The following GMPS variants were observed in gnomAD, a reference collection of about 807,000 sequenced individuals.
GMPS encodes the protein GMP synthase [glutamine-hydrolyzing].
In GMPS, 15 loss-of-function variants were observed where a neutral mutation model predicts 77.9. The ratio of observed to expected loss-of-function variants is 0.19; its 90% confidence interval spans 0.13 to 0.30. The LOEUF (loss-of-function observed/expected upper bound fraction) is 0.30. Among genes scored for constraint, GMPS ranks in the 10% least tolerant of loss-of-function variants. The pLI is 1.00. For synonymous variants in GMPS, 224 were observed against 275.9 expected (o/e 0.81, Z 1.86); for missense variants, 590 against 838.8 (o/e 0.70, Z 3.66).
chr3:155,911,118 T>C lies in GMPS; in HGVS notation c.725T>C (p.Leu242Ser), dbSNP rs1156467226. 3 of 1,594,504 alleles carry C rather than the reference T, an allele frequency of 1.9e-6. No homozygotes were observed. The highest frequency in any genetic ancestry group is 1.8e-5 in the Admixed American group (1 of 54,386). ...ERVGTSKVLV[L>S]LSGGVDSTVC... Reference sequence around the variant, plus strand: ...ATTTTTCATTTTACCCCGTAGGTTTTACTCAGTGGTGGAGTAGACTCAACA... The same window carrying C: ...ATTTTTCATTTTACCCCGTAGGTTTCACTCAGTGGTGGAGTAGACTCAACA... The change falls in exon 7 of 16, where the codon TTA becomes TCA. Residue 242 changes from leucine to serine, a missense_variant. Transcript: ENST00000496455.
Position 155,922,213 on chromosome 3 carries a change from T to G in GMPS, c.1345T>G (p.Cys449Gly). The change falls in exon 11 of 16, where the codon TGT becomes GGT. Residue 449 changes from cysteine to glycine, a missense_variant. Coordinates refer to ENST00000496455, the MANE Select transcript of GMPS (RefSeq NM_003875.3). ...PGPGLAIRVI[C>G]AEEPYICKDF... ...TCCTGGCCTGGCAATCAGAGTAATA[T>G]GTGCTGAAGAACCTTATATTTGTAA... 1.3e-6 allele frequency: 2 copies of G among 1,550,470 alleles called. No individual in the cohort carries two copies. The highest frequency in any genetic ancestry group is 1.7e-6 in the Non-Finnish European group (2 of 1,142,954).
At chr3:155,893,043 T>A (rs1754512710) in intron 1 of GMPS, among the ~76,000 whole-genome samples, 1 of 152,248 alleles carries the variant, frequency 6.6e-6, no homozygotes, top group African/African-American at 2.4e-5. Context: ...TATACTCTAG[T>A]GTCAAACTTC....
At chr3:155,920,178 A>G (rs1057144301) in intron 10 of GMPS, among the ~76,000 whole-genome samples, 3 of 152,220 alleles carry the variant, frequency 2.0e-5, no homozygotes, top group African/African-American at 4.8e-5. Flanking sequence ...AGTTATGCAG[A>G]TTGAAAGGAG....
intron 8 of GMPS, among the ~76,000 whole-genome samples, 190 bp downstream of exon 8, chr3:155,914,760 T>C (rs530058296): frequency 1.3e-5 from 2 of 152,110 alleles, no homozygotes; most frequent in South Asian, 4.2e-4. Flanking sequence ...TTTGTTGTTG[T>C]TTGGTTTTTT....
intron 1 of GMPS, among the ~76,000 whole-genome samples, chr3:155,878,687 A>G (rs904595335): frequency 2.6e-5 from 4 of 152,194 alleles, no homozygotes; most frequent in African/African-American, 9.7e-5. Flanking sequence ...GATAATAGAT[A>G]TATATATAGA....
intron 5 of GMPS, 114 bp downstream of exon 5, chr3:155,906,377 CTCT>C: frequency 3.6e-6 from 2 of 559,186 alleles, no homozygotes; most frequent in Non-Finnish European, 6.4e-6. Flanking sequence ...GATTTTTCTT[CTCT>C]TTTTTTTAAA....
intron 1 of GMPS, among the ~76,000 whole-genome samples, chr3:155,883,795 C>T (rs1754266215): frequency 6.6e-6 from 1 of 152,014 alleles, no homozygotes; most frequent in Admixed American, 6.6e-5. Flanking sequence ...AGAAAAAACC[C>T]AAGGAGTTTA....
chr3:155,925,450 G>A, intron 12 of GMPS, 84 bp downstream of exon 12: 1 of 1,141,254 alleles, frequency 8.8e-7, no homozygotes, highest in Non-Finnish European at 1.2e-6. Context: ...TGTTGCCCAG[G>A]CTGGAGCGCA....
At chr3:155,931,226 C>T (rs1163869243) in intron 12 of GMPS, among the ~76,000 whole-genome samples, 1 of 151,894 alleles carries the variant, frequency 6.6e-6, no homozygotes, top group Non-Finnish European at 1.5e-5. Flanking sequence ...CTCTGTCACC[C>T]AGGCTGGAGT....
chr3:155,914,041 G>T (rs1407661044), intron 7 of GMPS, among the ~76,000 whole-genome samples: 1 of 151,968 alleles, frequency 6.6e-6, no homozygotes, highest in East Asian at 1.9e-4. Context: ...CCGCCTCCCG[G>T]GTTCACACCA....
chr3:155,939,273 G>A lies in GMPS; in HGVS notation c.*1581G>A, dbSNP rs1048894853. 6.9e-5 allele frequency: 15 copies of A among 217,954 alleles called. No individual in the cohort carries two copies. Among genetic ancestry groups the A allele is most frequent in the African/African-American group, 3.4e-4 (15 of 44,494 alleles). The allele number at this position is 217,954 out of a possible 1,614,324, so 13.5% of individuals were successfully genotyped here. A position where few individuals can be genotyped will look rare whatever the true frequency, so the allele number is the denominator to read the frequency against. The stretch of plus-strand genomic sequence containing the variant: ...TAGTGATCTGGTCTTTACAGATTTA[G>A]AGTCATGTTATTTGAAAGCTAGAAT... On this transcript the variant is annotated 3_prime_UTR_variant, in exon 16 of 16. Transcript: ENST00000496455.
intron 1 of GMPS, among the ~76,000 whole-genome samples, chr3:155,877,877 A>C (rs1382751546): frequency 6.8e-6 from 1 of 146,976 alleles, no homozygotes; most frequent in Non-Finnish European, 1.5e-5. Context: ...CACCTCCTGG[A>C]TTCAAGCCAT....
intron 1 of GMPS, 56 bp from the exon 2 acceptor site, chr3:155,893,462 G>T: frequency 3.4e-6 from 4 of 1,164,308 alleles, no homozygotes; most frequent in South Asian, 1.6e-5. Context: ...TTTTTTTTAA[G>T]TACTGTAGCT....
chr3:155,914,314 C>T (rs1577522842), intron 7 of GMPS, 105 bp from the exon 8 acceptor site: 1 of 801,672 alleles, frequency 1.2e-6, no homozygotes, highest in Non-Finnish European at 1.9e-6. Flanking sequence ...AAGGACTGCT[C>T]TTCAGACTGG....
At position 155,906,095 on chromosome 3, in the gene GMPS, CAAAA is replaced by C. The variant is rs1222416352; in HGVS notation, c.423-64_423-61del. 3 of 926,396 alleles carry C rather than the reference CAAAA, an allele frequency of 3.2e-6. No homozygotes were observed. The African/African-American group carries it at 5.1e-5, about 16-fold the overall frequency. The allele number at this position is 926,396 out of a possible 1,614,324, so 57.4% of individuals were successfully genotyped here. ...GTATGGCAAGCTTGTGTTTCTAAAA[CAAAA>C]GAACCCATGAATCATGTTTTTAATT... On this transcript the variant is annotated intron_variant, in intron 4 of 15. Coordinates refer to ENST00000496455, the MANE Select transcript of GMPS (RefSeq NM_003875.3).
At position 155,914,531 on chromosome 3, in the gene GMPS, T is replaced by C; in HGVS notation, c.999T>C (p.Pro333=). The change falls in exon 8 of 16, where the codon CCT becomes CCC. Residue 333 remains proline, a synonymous_variant. Transcript: ENST00000496455. The part of the protein sequence containing the change: ...ISKTLNMTTS[P]EEKRKIIGDT... Reference sequence around the variant, plus strand: ...AAACGTTAAATATGACCACAAGTCCTGAAGAGAAAAGAAAAATCATTGGGG... The same window carrying C: ...AAACGTTAAATATGACCACAAGTCCCGAAGAGAAAAGAAAAATCATTGGGG... 1.3e-6 allele frequency: 2 copies of C among 1,595,558 alleles called. No individual in the cohort carries two copies. The highest frequency in any genetic ancestry group is 8.5e-7 in the Non-Finnish European group (1 of 1,173,488).
At chr3:155,915,093 G>A (rs146794543) in intron 8 of GMPS, among the ~76,000 whole-genome samples, 2 of 152,096 alleles carry the variant, frequency 1.3e-5, no homozygotes, top group Non-Finnish European at 2.9e-5. Flanking sequence ...TAATAAACAT[G>A]TTTGCCTACA....
At chr3:155,932,067 A>AG (rs1755636967) in intron 13 of GMPS, among the ~76,000 whole-genome samples, 187 bp downstream of exon 13, 1 of 152,220 alleles carries the variant, frequency 6.6e-6, no homozygotes, top group Admixed American at 6.5e-5. Flanking sequence ...ATTTAATATT[A>AG]TCTTGTGTTT....
rs1754794733 is a variant in GMPS at position 155,903,891 on chromosome 3, T to C, written c.353T>C (p.Val118Ala). Reference protein sequence around the residue: ...QMMNKVFGGTVHKKSVREDGV... With the variant: ...QMMNKVFGGTAHKKSVREDGV... ...ATGAATAAGGTATTTGGAGGTACTG[T>C]GCACAAAAAAAGTGTCAGAGAAGAT... is the stretch of plus-strand genomic sequence containing the variant. The change falls in exon 4 of 16, where the codon GTG (valine) becomes GCG (alanine). Residue 118 changes from valine to alanine, a missense_variant. By Grantham distance (64) the Val-to-Ala change is moderately conservative. Transcript: ENST00000496455. 1.9e-6 allele frequency: 3 copies of C among 1,551,114 alleles called. No individual in the cohort carries two copies. Among genetic ancestry groups the C allele is most frequent in the Non-Finnish European group, 2.6e-6 (3 of 1,135,752 alleles).
Sources: gnomAD v4.1 joint callset for allele counts (sites outside exome capture counted in the v4.1 genomes callset) on GRCh38, gnomAD v4.1.1 for gene constraint, MANE v1.5 for transcripts, NCBI Gene and HGNC (gene_info 2026-07-23, HGNC 2026-07-21) for gene names.